SLC20A2: variants seen among roughly 807,000 people sequenced by gnomAD.
SLC20A2 encodes the protein solute carrier family 20 member 2, also known as sodium-dependent phosphate transporter 2.
In SLC20A2, 30 loss-of-function variants were observed where a neutral mutation model predicts 61.0. The observed-to-expected ratio is 0.49, with a 90% CI of 0.37 to 0.67. SLC20A2 has a LOEUF of 0.67. SLC20A2 is among the 30% of genes least tolerant of loss of function. The pLI is 0.00. For missense variants in SLC20A2, 626 were observed against 866.4 expected (o/e 0.72, Z 3.48); for synonymous variants, 351 against 353.3 (o/e 0.99, Z 0.07).
At chr8:42,455,255 T>TAG (rs748099834) in intron 5 of SLC20A2, among the ~76,000 whole-genome samples, 1,778 of 96,922 alleles carry the variant, frequency 0.018, 23 homozygotes, top group Non-Finnish European at 0.027. Context: ...TATATATATA[T>TAG]ATAGAGAGAG....
intron 1 of SLC20A2, among the ~76,000 whole-genome samples, chr8:42,513,091 C>A (rs1811119652): frequency 6.6e-6 from 1 of 152,142 alleles, no homozygotes; most frequent in African/African-American, 2.4e-5. Flanking sequence ...AAGAATAAAT[C>A]ACATTTAACT....
chr8:42,425,602 G>C (rs757309934), intron 10 of SLC20A2, among the ~76,000 whole-genome samples: 2 of 152,148 alleles, frequency 1.3e-5, no homozygotes, highest in Admixed American at 1.3e-4. Flanking sequence ...AGAAGTCCAC[G>C]ATCAATGATA....
In SLC20A2 at chr8:42,438,076, A is replaced by AC. The variant is rs1411011540; in HGVS notation, c.935-500_935-499insG. Among the ~76,000 whole-genome samples the AC allele has an allele frequency of 9.3e-4, 133 of 143,366 alleles. 2 individuals carry two copies. The highest frequency in any genetic ancestry group is 2.7e-3 in the African/African-American group (106 of 39,856). The allele number at this position is 143,366 out of a possible 152,430, so 94.1% of individuals were successfully genotyped here. A position where few individuals can be genotyped will look rare whatever the true frequency, so the allele number is the denominator to read the frequency against. ...AAAAAAAAAAACCAAAAAAAAAAAA[A>AC]AAAAAAAAAAAAACATGGAAACATA... On this transcript the variant is annotated intron_variant, in intron 7 of 10. Coordinates refer to ENST00000520262, the MANE Select transcript of SLC20A2 (RefSeq NM_001257180.2).
At chr8:42,491,898 A>C (rs374780346) in intron 1 of SLC20A2, among the ~76,000 whole-genome samples, 2 of 152,198 alleles carry the variant, frequency 1.3e-5, no homozygotes, top group Middle Eastern at 3.4e-3. Flanking sequence ...TGTGCAGGAG[A>C]GCTTTGGGAC....
In SLC20A2 at chr8:42,463,141, A is replaced by G. The variant is rs371489648; in HGVS notation, c.431-51T>C. Reference sequence around the variant, plus strand: ...TGAATGTTAAAATTCATTCATAATTATGGTCCTATTCATAGAACACAATGA... The same window carrying G: ...TGAATGTTAAAATTCATTCATAATTGTGGTCCTATTCATAGAACACAATGA... On this transcript the variant is annotated intron_variant, in intron 3 of 10. Transcript: ENST00000520262. 6.3e-4 allele frequency: 665 copies of G among 1,054,022 alleles called. 4 individuals are homozygous for G. In the African/African-American group the frequency reaches 9.7e-3, roughly 15 times the overall value. The allele number at this position is 1,054,022 out of a possible 1,614,324, so 65.3% of individuals were successfully genotyped here.
chr8:42,476,071 G>A (rs1329441009), intron 1 of SLC20A2, among the ~76,000 whole-genome samples: 1 of 147,388 alleles, frequency 6.8e-6, no homozygotes, highest in African/African-American at 2.5e-5. Flanking sequence ...TGAAGTAGCC[G>A]GGTTTACTGT....
intron 10 of SLC20A2, among the ~76,000 whole-genome samples, chr8:42,425,813 C>T (rs931248375): frequency 1.3e-5 from 2 of 152,030 alleles, no homozygotes; most frequent in African/African-American, 2.4e-5. Context: ...GAGGCTGAGG[C>T]GGGCGGATCA....
chr8:42,434,476 CTT>C (rs1195596980), intron 8 of SLC20A2, among the ~76,000 whole-genome samples: 2 of 152,120 alleles, frequency 1.3e-5, no homozygotes, highest in Non-Finnish European at 2.9e-5. Flanking sequence ...ACTGCAAGCT[CTT>C]GTCTCCTCCC....
At chr8:42,540,541 C>T (rs933598682) in intron 1 of SLC20A2, among the ~76,000 whole-genome samples, 9 of 151,882 alleles carry the variant, frequency 5.9e-5, no homozygotes, top group African/African-American at 1.7e-4. Flanking sequence ...ATATAAATAC[C>T]GTAAATTAAG....
intron 5 of SLC20A2, among the ~76,000 whole-genome samples, chr8:42,454,492 G>T (rs1805982322): frequency 6.6e-6 from 1 of 152,108 alleles, no homozygotes; most frequent in Admixed American, 6.6e-5. Context: ...TAAGACTTTG[G>T]GAGGGGAGGT....
chr8:42,422,378 C>T (rs112742388), intron 10 of SLC20A2, among the ~76,000 whole-genome samples: 3,679 of 152,244 alleles, frequency 0.024, 104 homozygotes, highest in South Asian at 0.12. Flanking sequence ...CATTTTTCAG[C>T]ATCTTGCTTA....
chr8:42,438,441 G>A (rs543527380), intron 7 of SLC20A2, among the ~76,000 whole-genome samples: 1 of 152,224 alleles, frequency 6.6e-6, no homozygotes, highest in South Asian at 2.1e-4. Context: ...CAAGCATCTG[G>A]GACTACAGGT....
At chr8:42,477,408 G>A (rs10808961) in intron 1 of SLC20A2, among the ~76,000 whole-genome samples, 47,244 of 149,640 alleles carry the variant, frequency 0.32, 7,799 homozygotes, top group Admixed American at 0.43. Context: ...TCCTCAACAC[G>A]CAGACACTGA....
intron 8 of SLC20A2, among the ~76,000 whole-genome samples, chr8:42,432,148 T>C (rs1448662482): frequency 6.6e-6 from 1 of 152,164 alleles, no homozygotes; most frequent in Admixed American, 6.5e-5. Context: ...CTGGAAAGGA[T>C]CCCCCATTCC....
chr8:42,439,678 A>G lies in SLC20A2; in HGVS notation c.731-25T>C. ...CCTAAAGAAAACAAAGTCATACTGAACATTCTGGAAGAGAGTTCTTATTAT... is the reference window on the plus strand; with the variant it reads ...CCTAAAGAAAACAAAGTCATACTGAGCATTCTGGAAGAGAGTTCTTATTAT... On this transcript the variant is annotated intron_variant, in intron 6 of 10. Transcript: ENST00000520262. 2.0e-6 allele frequency: 3 copies of G among 1,502,422 alleles called. No individual in the cohort carries two copies. In the South Asian group the frequency reaches 3.4e-5, roughly 17 times the overall value. The allele number at this position is 1,502,422 out of a possible 1,614,324, so 93.1% of individuals were successfully genotyped here.
At chr8:42,491,256 T>A (rs1035075568) in intron 1 of SLC20A2, among the ~76,000 whole-genome samples, 11 of 152,066 alleles carry the variant, frequency 7.2e-5, no homozygotes, top group African/African-American at 2.7e-4. Flanking sequence ...GACTCATGCC[T>A]GCAATCCCAG....
At chr8:42,505,617 T>A (rs1430747661), upstream of SLC20A2, among the ~76,000 whole-genome samples, 1 of 152,184 alleles carries the variant, frequency 6.6e-6, no homozygotes, top group Non-Finnish European at 1.5e-5. Flanking sequence ...TTCTGAGCTA[T>A]TTATCATCAA....
intron 1 of SLC20A2, among the ~76,000 whole-genome samples, chr8:42,528,593 A>G (rs1312848303): frequency 6.6e-6 from 1 of 152,236 alleles, no homozygotes; most frequent in Non-Finnish European, 1.5e-5. Flanking sequence ...ACTTAGATTA[A>G]AATCCTGGCT....
intron 1 of SLC20A2, among the ~76,000 whole-genome samples, chr8:42,488,893 A>C (rs374271142): frequency 1.3e-5 from 2 of 151,282 alleles, no homozygotes; most frequent in Non-Finnish European, 2.9e-5. Context: ...CCATTTAAAA[A>C]ATCAGGTCGT....
Sources: gnomAD v4.1 joint callset for allele counts (sites outside exome capture counted in the v4.1 genomes callset) on GRCh38, gnomAD v4.1.1 for gene constraint, MANE v1.5 for transcripts, NCBI Gene and HGNC (gene_info 2026-07-23, HGNC 2026-07-21) for gene names.